STARD10: variants seen among roughly 807,000 people sequenced by gnomAD.
The protein encoded by STARD10 is StAR related lipid transfer domain containing 10.
A neutral mutation model predicts 36.0 loss-of-function variants in STARD10; 24 were observed. The ratio of observed to expected loss-of-function variants is 0.67; its 90% confidence interval spans 0.48 to 0.94. The LOEUF is 0.94. Among genes scored for constraint, STARD10 ranks in the 40% least tolerant of loss-of-function variants. STARD10 has a pLI of 0.00. For missense variants in STARD10, 335 were observed against 396.6 expected (o/e 0.84, Z 1.32); for synonymous variants, 156 against 161.9 (o/e 0.96, Z 0.28).
intron 6 of STARD10, 62 bp downstream of exon 6, chr11:72,755,639 C>T: frequency 1.3e-6 from 2 of 1,587,990 alleles, no homozygotes. Context: ...CTCCACCCAC[C>T]TCATTCCATA....
intron 2 of STARD10, chr11:72,780,126 G>C (rs775581067): frequency 4.7e-6 from 2 of 429,196 alleles, no homozygotes; most frequent in Admixed American, 5.0e-5. Flanking sequence ...AACATCAGAT[G>C]TGTTGGGGGC....
At chr11:72,779,137 C>A (rs1339397567) in intron 2 of STARD10, among the ~76,000 whole-genome samples, 1 of 152,232 alleles carries the variant, frequency 6.6e-6, no homozygotes, top group Non-Finnish European at 1.5e-5. Context: ...CCTCCTCTGA[C>A]TTTCTGGAGT....
chr11:72,784,480 C>T (rs1186909579), intron 1 of STARD10, among the ~76,000 whole-genome samples: 1 of 152,144 alleles, frequency 6.6e-6, no homozygotes, highest in East Asian at 1.9e-4. Context: ...AGATAAGTAA[C>T]TAAAAATATA....
chr11:72,772,701 C>A (rs978836825), intron 2 of STARD10, among the ~76,000 whole-genome samples: 2 of 152,126 alleles, frequency 1.3e-5, no homozygotes, highest in African/African-American at 4.8e-5. Context: ...AGGATAAAAT[C>A]TAAACTCCAA....
At chr11:72,765,076 T>C (rs896685898) in intron 2 of STARD10, among the ~76,000 whole-genome samples, 1 of 152,172 alleles carries the variant, frequency 6.6e-6, no homozygotes, top group Non-Finnish European at 1.5e-5. Context: ...AAGACCAGCC[T>C]GACTAACATG....
intron 5 of STARD10, 177 bp from the exon 6 acceptor site, chr11:72,755,930 G>A: frequency 1.7e-6 from 1 of 574,774 alleles, no homozygotes; most frequent in South Asian, 2.1e-5. Flanking sequence ...TCAGACCGAA[G>A]TCCTCAGGCT....
chr11:72,776,295 T>C (rs1858929818), intron 2 of STARD10, among the ~76,000 whole-genome samples: 1 of 152,172 alleles, frequency 6.6e-6, no homozygotes, highest in Non-Finnish European at 1.5e-5. Context: ...ACTTCCTGTA[T>C]GGGGAAACTG....
chr11:72,773,451 T>C (rs1182102189), intron 2 of STARD10, among the ~76,000 whole-genome samples: 1 of 152,150 alleles, frequency 6.6e-6, no homozygotes, highest in Non-Finnish European at 1.5e-5. Flanking sequence ...GAGACATAAT[T>C]GGATCACAGA....
intron 2 of STARD10, among the ~76,000 whole-genome samples, chr11:72,776,530 T>C (rs1858932582): frequency 6.6e-6 from 1 of 152,104 alleles, no homozygotes; most frequent in Non-Finnish European, 1.5e-5. Context: ...GGCCCAATCA[T>C]GTTAATAACC....
At chr11:72,755,436 G>A (rs1858631438) in intron 6 of STARD10, 1 of 555,102 alleles carries the variant, frequency 1.8e-6, no homozygotes, top group Admixed American at 2.9e-5. Flanking sequence ...TTAGCCTCCC[G>A]AGTAGCTGGG....
chr11:72,755,277 TC>T, intron 6 of STARD10, 135 bp from the exon 7 acceptor site: 2 of 695,748 alleles, frequency 2.9e-6, no homozygotes, highest in Non-Finnish European at 4.4e-6. Context: ...CTACTTGCCC[TC>T]CCTGGGCCCT....
intron 1 of STARD10, among the ~76,000 whole-genome samples, chr11:72,788,632 G>A (rs1242265141): frequency 6.7e-6 from 1 of 149,452 alleles, no homozygotes; most frequent in Admixed American, 6.7e-5. Context: ...GCAGTAGCAC[G>A]ATCTCAGCTC....
At chr11:72,785,292 T>C (rs1253168045) in intron 1 of STARD10, among the ~76,000 whole-genome samples, 3 of 151,654 alleles carry the variant, frequency 2.0e-5, no homozygotes, top group African/African-American at 7.3e-5. Context: ...GGGCCGGGTG[T>C]GGTGGCTAAC....
At chr11:72,776,866 C>A (rs915596304) in intron 2 of STARD10, among the ~76,000 whole-genome samples, 1 of 152,080 alleles carries the variant, frequency 6.6e-6, no homozygotes, top group African/African-American at 2.4e-5. Flanking sequence ...CCCAGGTGGC[C>A]TGTGGTGTGG....
intron 2 of STARD10, among the ~76,000 whole-genome samples, chr11:72,761,917 CTT>C (rs1189000490): frequency 2.2e-3 from 83 of 37,472 alleles, no homozygotes; most frequent in African/African-American, 8.8e-3. Flanking sequence ...CTTTTCTTTT[CTT>C]TTTTTTTTTT....
At chr11:72,767,554 AC>A (rs1222806046) in intron 2 of STARD10, among the ~76,000 whole-genome samples, 1 of 151,976 alleles carries the variant, frequency 6.6e-6, no homozygotes, top group African/African-American at 2.4e-5. Context: ...TAAAACAAAC[AC>A]CCTGGCAACT....
chr11:72,781,976 T>C lies in STARD10; in HGVS notation c.-113-682A>G, dbSNP rs890242746. On this transcript the variant is annotated intron_variant, in intron 1 of 6. Coordinates refer to ENST00000334805, the MANE Select transcript of STARD10 (RefSeq NM_006645.3). The surrounding 1 kb of genome is among the most constrained non-coding windows in gnomAD (Gnocchi z 4.7). Reference sequence around the variant, plus strand: ...CCCCGCCGGCCCTGGGAGGGGACCCTGCGCGCGAGGGGCAAGTCCCCAGCG... The same window carrying C: ...CCCCGCCGGCCCTGGGAGGGGACCCCGCGCGCGAGGGGCAAGTCCCCAGCG... 2 of 151,766 alleles carry C rather than the reference T, an allele frequency of 1.3e-5. No individual in the cohort carries two copies. The highest frequency in any genetic ancestry group is 4.8e-5 in the African/African-American group (2 of 41,312). 9.4% of individuals were successfully genotyped at this position (151,766 alleles called of 1,614,324 possible).
At position 72,781,373 on chromosome 11, in the gene STARD10, G is replaced by C; in HGVS notation, c.-113-79C>G. ...TGTTCGGGGTCCTGGCGGGTGGGGA[G>C]CTGGAGAGAGGTAGGGGCTGGCCCC... is the stretch of plus-strand genomic sequence containing the variant. On this transcript the variant is annotated intron_variant, in intron 1 of 6. Coordinates refer to ENST00000334805, the MANE Select transcript of STARD10 (RefSeq NM_006645.3). The surrounding 1 kb of genome is among the most constrained non-coding windows in gnomAD (Gnocchi z 4.7). 1.7e-6 allele frequency: 1 copy of C among 598,428 alleles called. No individual in the cohort carries two copies. Among genetic ancestry groups the C allele is most frequent in the Non-Finnish European group, 3.0e-6 (1 of 336,664 alleles). 37.1% of individuals were successfully genotyped at this position (598,428 alleles called of 1,614,324 possible).
chr11:72,774,384 C>A (rs1045677279), intron 2 of STARD10, among the ~76,000 whole-genome samples: 2 of 152,214 alleles, frequency 1.3e-5, no homozygotes, highest in African/African-American at 2.4e-5. Flanking sequence ...AGAACAGCTC[C>A]AGCTGCCCTG....
Sources: gnomAD v4.1 joint callset for allele counts (sites outside exome capture counted in the v4.1 genomes callset) on GRCh38, gnomAD v4.1.1 for gene constraint, Gnocchi (gnomAD v3.1) non-coding constraint, MANE v1.5 for transcripts, NCBI Gene and HGNC (gene_info 2026-07-23, HGNC 2026-07-21) for gene names.